SH3GL3: variants seen among roughly 807,000 people sequenced by gnomAD.
SH3GL3 encodes the protein endophilin-A3.
Under a neutral mutation model 47.7 loss-of-function variants are expected in SH3GL3, and 33 were observed. That is an observed-to-expected ratio of 0.69 (90% CI 0.52 to 0.92). The LOEUF (loss-of-function observed/expected upper bound fraction) is 0.92. SH3GL3 is among the 40% of genes least tolerant of loss of function. The pLI is 0.00. For synonymous variants in SH3GL3, 155 were observed against 148.8 expected, an observed-to-expected ratio of 1.04 and a Z score of -0.30; for missense variants, 363 against 417.8, an observed-to-expected ratio of 0.87 and a Z score of 1.14.
At chr15:83,620,923 T>C (rs546312774), downstream of SH3GL3, among the ~76,000 whole-genome samples, 89 of 152,350 alleles carry the variant, frequency 5.8e-4, no homozygotes, top group African/African-American at 1.9e-3. Flanking sequence ...AGCTAGATCT[T>C]CTGGATAACT....
intron 6 of SH3GL3, among the ~76,000 whole-genome samples, chr15:83,585,644 T>A (rs1429276416): frequency 6.6e-6 from 1 of 152,168 alleles, no homozygotes; most frequent in Non-Finnish European, 1.5e-5. Context: ...ATTTAAGAAA[T>A]CCTTAGGATT....
At chr15:83,485,577 AG>A (rs1462463192) in intron 1 of SH3GL3, among the ~76,000 whole-genome samples, 4 of 152,152 alleles carry the variant, frequency 2.6e-5, no homozygotes, top group African/African-American at 9.7e-5. Flanking sequence ...TCCACCTTCC[AG>A]GCTCAAGCAA....
At chr15:83,462,359 A>G (rs139926620) in intron 1 of SH3GL3, among the ~76,000 whole-genome samples, 296 of 152,368 alleles carry the variant, frequency 1.9e-3, no homozygotes, top group African/African-American at 6.9e-3. Flanking sequence ...CACAATCAGT[A>G]ACAATTATGA....
At chr15:83,520,693 T>G (rs1049249837) in intron 1 of SH3GL3, among the ~76,000 whole-genome samples, 1 of 152,104 alleles carries the variant, frequency 6.6e-6, no homozygotes, top group Admixed American at 6.5e-5. Context: ...CTTCGTTGAG[T>G]CTTAAAATGT....
chr15:83,466,254 TCA>T (rs199789151), intron 1 of SH3GL3, among the ~76,000 whole-genome samples: 2 of 152,292 alleles, frequency 1.3e-5, no homozygotes, highest in East Asian at 3.9e-4. Context: ...TATGGATGTA[TCA>T]CAGTTTGTTC....
intron 8 of SH3GL3, among the ~76,000 whole-genome samples, chr15:83,589,531 C>G (rs1406548919): frequency 8.6e-5 from 13 of 151,686 alleles, no homozygotes; most frequent in African/African-American, 2.7e-4. Flanking sequence ...TGTATGTGAC[C>G]CTGCCAGGCA....
At chr15:83,558,294 T>C (rs1357022774) in intron 1 of SH3GL3, among the ~76,000 whole-genome samples, 1 of 152,232 alleles carries the variant, frequency 6.6e-6, no homozygotes, top group Non-Finnish European at 1.5e-5. Context: ...TCACTCGTAC[T>C]CTTTAGCTTG....
intron 2 of SH3GL3, among the ~76,000 whole-genome samples, chr15:83,564,306 T>C (rs1258665447): frequency 6.6e-6 from 1 of 152,198 alleles, no homozygotes; most frequent in Non-Finnish European, 1.5e-5. Flanking sequence ...TTGGGAAGAA[T>C]GCATATCTTT....
At chr15:83,476,169 T>G (rs1478274020) in intron 1 of SH3GL3, among the ~76,000 whole-genome samples, 1 of 152,188 alleles carries the variant, frequency 6.6e-6, no homozygotes, top group Non-Finnish European at 1.5e-5. Flanking sequence ...ATCCTCCTTC[T>G]ACGAAGGAGG....
At chr15:83,509,145 A>G (rs1057050199) in intron 1 of SH3GL3, among the ~76,000 whole-genome samples, 3 of 152,260 alleles carry the variant, frequency 2.0e-5, no homozygotes, top group Non-Finnish European at 4.4e-5. Context: ...AAGTGAGAGC[A>G]GGGGAATTGC....
chr15:83,596,237 C>G (rs943522561), intron 8 of SH3GL3, among the ~76,000 whole-genome samples: 10 of 152,102 alleles, frequency 6.6e-5, no homozygotes, highest in African/African-American at 2.4e-4. Context: ...AAATAAGATA[C>G]TTTGTATGAA....
At chr15:83,467,163 T>C (rs28875781) in intron 1 of SH3GL3, among the ~76,000 whole-genome samples, 27,252 of 152,240 alleles carry the variant, frequency 0.18, 2,861 homozygotes, top group South Asian at 0.45. Context: ...CTGAAAGTTA[T>C]ATAGTTTTAT....
chr15:83,526,149 A>G (rs1315701529), intron 1 of SH3GL3, among the ~76,000 whole-genome samples: 2 of 152,194 alleles, frequency 1.3e-5, no homozygotes, highest in Non-Finnish European at 2.9e-5. Flanking sequence ...CTTCCTGGCT[A>G]TTATTAAAAA....
intron 1 of SH3GL3, among the ~76,000 whole-genome samples, chr15:83,510,783 C>T (rs2042714120): frequency 6.6e-6 from 1 of 151,778 alleles, no homozygotes; most frequent in Non-Finnish European, 1.5e-5. Context: ...TTCCTGGCAG[C>T]CAAAGTGGAA....
chr15:83,521,399 G>A (rs747982997), intron 1 of SH3GL3, among the ~76,000 whole-genome samples: 3 of 152,156 alleles, frequency 2.0e-5, no homozygotes, highest in Non-Finnish European at 4.4e-5. Context: ...GGAAGAGGTG[G>A]CAATATAAAA....
At chr15:83,573,705 T>A (rs1266949673) in intron 5 of SH3GL3, among the ~76,000 whole-genome samples, 1 of 152,202 alleles carries the variant, frequency 6.6e-6, no homozygotes, top group Non-Finnish European at 1.5e-5. Flanking sequence ...GGCTCCATAT[T>A]CCAGGGGCCA....
intron 3 of SH3GL3, chr15:83,565,877 C>T (rs1420406304): frequency 6.6e-6 from 1 of 152,158 alleles, no homozygotes; most frequent in African/African-American, 2.4e-5. Flanking sequence ...GGAATCAGCA[C>T]AAACCTAACC....
At chr15:83,543,667 A>C (rs2044269646) in intron 1 of SH3GL3, among the ~76,000 whole-genome samples, 1 of 152,014 alleles carries the variant, frequency 6.6e-6, no homozygotes, top group South Asian at 2.1e-4. Context: ...ATTTCAAACG[A>C]GATCAAATGA....
At chr15:83,601,338 A>C (rs13379624) in intron 8 of SH3GL3, among the ~76,000 whole-genome samples, 8 of 151,996 alleles carry the variant, frequency 5.3e-5, no homozygotes, top group Non-Finnish European at 8.8e-5. Flanking sequence ...TGGGTTTTTC[A>C]TAGATGGTTT....
Sources: gnomAD v4.1 joint callset for allele counts (sites outside exome capture counted in the v4.1 genomes callset) on GRCh38, gnomAD v4.1.1 for gene constraint, MANE v1.5 for transcripts, NCBI Gene and HGNC (gene_info 2026-07-23, HGNC 2026-07-21) for gene names.